The following WASL variants were observed in gnomAD, a reference collection of about 807,000 sequenced individuals.
WASL encodes the protein actin nucleation-promoting factor WASL.
In WASL, 20 loss-of-function variants were observed where a neutral mutation model predicts 55.5. The observed-to-expected ratio is 0.36, with a 90% CI of 0.25 to 0.52. The LOEUF is 0.52. WASL is among the 20% of genes least tolerant of loss of function. The pLI is 0.92. For synonymous variants in WASL, 249 were observed against 217.6 expected (o/e 1.14, Z -1.27); for missense variants, 504 against 622.5 (o/e 0.81, Z 2.03).
chr7:123,735,476 A>T (rs561755746), intron 1 of WASL, among the ~76,000 whole-genome samples: 3 of 152,168 alleles, frequency 2.0e-5, no homozygotes, highest in Admixed American at 1.3e-4. Context: ...AACAGTTGTT[A>T]TATCTGTAGT....
In WASL at chr7:123,725,508, TA is replaced by T. The variant is rs35358821; in HGVS notation, c.118-16286del. Among the ~76,000 whole-genome samples, 976 of 151,130 alleles carry T rather than the reference TA, an allele frequency of 6.5e-3. 9 individuals carry two copies. The highest frequency in any genetic ancestry group is 0.022 in the African/African-American group (893 of 41,194). On this transcript the variant is annotated intron_variant, in intron 1 of 10. Transcript: ENST00000223023. ...ATTTTAATTTACATTAGGTTATATT[TA>T]AAAAAAAACAATTTCTTGAAATATG...
At chr7:123,722,035 TGTTA>T (rs1165067350) in intron 1 of WASL, among the ~76,000 whole-genome samples, 1 of 152,116 alleles carries the variant, frequency 6.6e-6, no homozygotes, top group Non-Finnish European at 1.5e-5. Flanking sequence ...GGGAGGGTAC[TGTTA>T]GTTTCTGGAC....
intron 1 of WASL, among the ~76,000 whole-genome samples, chr7:123,744,388 T>C (rs1804395680): frequency 6.6e-6 from 1 of 152,212 alleles, no homozygotes; most frequent in Non-Finnish European, 1.5e-5. Flanking sequence ...CAATAAGTAT[T>C]CACTGATCTG....
At chr7:123,728,872 A>G (rs1325601574) in intron 1 of WASL, among the ~76,000 whole-genome samples, 1 of 152,152 alleles carries the variant, frequency 6.6e-6, no homozygotes, top group Non-Finnish European at 1.5e-5. Context: ...AAAAAACAAA[A>G]CAAAACAAAC....
At chr7:123,700,154 C>A (rs1369005826) in intron 5 of WASL, among the ~76,000 whole-genome samples, 12 of 102,454 alleles carry the variant, frequency 1.2e-4, no homozygotes, top group East Asian at 3.3e-4. Flanking sequence ...CCAGCCTGGG[C>A]AACAGAGCGA....
At chr7:123,741,632 A>G (rs1287956403) in intron 1 of WASL, among the ~76,000 whole-genome samples, 2 of 152,306 alleles carry the variant, frequency 1.3e-5, no homozygotes, top group East Asian at 1.9e-4. Flanking sequence ...AGAATGGGCT[A>G]CCATTATACT....
At position 123,706,520 on chromosome 7, in the gene WASL, A is replaced by ATGT. The variant is rs1803672760; in HGVS notation, c.340-148_340-147insACA. 3.4e-6 allele frequency: 3 copies of ATGT among 880,726 alleles called. No homozygotes were observed. In the South Asian group the frequency reaches 5.4e-5, roughly 16 times the overall value. 54.6% of individuals were successfully genotyped at this position (880,726 alleles called of 1,614,324 possible). A position where few individuals can be genotyped will look rare whatever the true frequency, so the allele number is the denominator to read the frequency against. ...AAGACATTATTTTATGATCTGAATA[A>ATGT]CTTAACACAAAAGCATGAAGAAGTT... On this transcript the variant is annotated intron_variant, in intron 3 of 10. Coordinates refer to ENST00000223023, the MANE Select transcript of WASL (RefSeq NM_003941.4).
chr7:123,747,979 G>T (rs1199690349), intron 1 of WASL, among the ~76,000 whole-genome samples: 1 of 151,410 alleles, frequency 6.6e-6, no homozygotes, highest in Non-Finnish European at 1.5e-5. Context: ...CCACCAATGG[G>T]GGGAAAAAAA....
rs1803434571 is a variant in WASL at position 123,692,749 on chromosome 7, T to A, written c.945A>T (p.Ser315=). 6.0e-6 allele frequency: 9 copies of A among 1,499,700 alleles called. No individual in the cohort carries two copies. Among genetic ancestry groups the A allele is most frequent in the Non-Finnish European group, 7.1e-6 (8 of 1,126,394 alleles). The allele number at this position is 1,499,700 out of a possible 1,614,324, so 92.9% of individuals were successfully genotyped here. A position where few individuals can be genotyped will look rare whatever the true frequency, so the allele number is the denominator to read the frequency against. ...GTGGAGGTGCAGCTGTGGGAGCTCT[T>A]GAAGGTGGTGGGGGAGGAGCGCCTC... The part of the protein sequence containing the change: ...RGRGAPPPPP[S]RAPTAAPPPP... The change falls in exon 9 of 11, where the codon TCA becomes TCT. Residue 315 remains serine, a synonymous_variant. Transcript: ENST00000223023.
Position 123,692,415 on chromosome 7 carries a change from G to A in WASL, c.1279C>T (p.Arg427Trp). 7 of 1,613,888 alleles carry A rather than the reference G, an allele frequency of 4.3e-6. No individual in the cohort carries two copies. The highest frequency in any genetic ancestry group is 2.2e-5 in the East Asian group (1 of 44,852). ...AQLKKVEQNS[R>W]PVSCSGRDAL... ...TCTCGTCCAGAGCAGGACACTGGCC[G>A]ACTGTTCTGCTCCACTTTTTTTAGC... The change falls in exon 9 of 11, where the codon CGG becomes TGG. Residue 427 changes from arginine to tryptophan, a missense_variant. This residue lies in a region of WASL where 201 missense variants were observed against 206.2 expected (regional missense o/e 0.97). Coordinates refer to ENST00000223023, the MANE Select transcript of WASL (RefSeq NM_003941.4).
intron 9 of WASL, among the ~76,000 whole-genome samples, chr7:123,691,389 ATTTT>A (rs901631777): frequency 5.9e-5 from 9 of 151,920 alleles, no homozygotes; most frequent in African/African-American, 1.9e-4. Flanking sequence ...CTGTTCTTGG[ATTTT>A]TTTTTAAAAC....
chr7:123,745,763 G>C (rs1804420514), intron 1 of WASL, among the ~76,000 whole-genome samples: 1 of 151,870 alleles, frequency 6.6e-6, no homozygotes, highest in African/African-American at 2.4e-5. Context: ...CTAAATCTGA[G>C]AGCCCAAGCA....
At chr7:123,697,040 T>C (rs1803504595) in intron 5 of WASL, among the ~76,000 whole-genome samples, 1 of 152,106 alleles carries the variant, frequency 6.6e-6, no homozygotes. Flanking sequence ...GTCTAATCTC[T>C]TAAATTTTGA....
chr7:123,685,581 C>G (rs548683579), intron 10 of WASL, among the ~76,000 whole-genome samples: 1 of 152,104 alleles, frequency 6.6e-6, no homozygotes, highest in South Asian at 2.1e-4. Flanking sequence ...ATTTTACTTT[C>G]CTCATATCAC....
At chr7:123,712,446 T>A (rs1472162390) in intron 1 of WASL, among the ~76,000 whole-genome samples, 2 of 152,124 alleles carry the variant, frequency 1.3e-5, no homozygotes, top group Non-Finnish European at 2.9e-5. Context: ...TAGCCTGAAA[T>A]ATTATAAAGA....
At chr7:123,743,232 G>A (rs950998828) in intron 1 of WASL, among the ~76,000 whole-genome samples, 3 of 151,854 alleles carry the variant, frequency 2.0e-5, no homozygotes, top group African/African-American at 7.3e-5. Context: ...AGCTACTTGG[G>A]AGGCTGAGGG....
At position 123,684,549 on chromosome 7, in the gene WASL, ATCT is replaced by A. The variant is rs750895037; in HGVS notation, c.1485_1487del (p.Glu495del). On this transcript the variant is annotated inframe_deletion, in exon 11 of 11. Transcript: ENST00000223023. ...CTTCCCACTCATCATCATCCTCAAA[ATCT>A]TCTTCATCATCTTCATCTTCATCTT... The A allele has an allele frequency of 1.1e-4, 151 of 1,354,022 alleles. No individual in the cohort carries two copies. Among genetic ancestry groups the A allele is most frequent in the Middle Eastern group, 3.6e-4 (2 of 5,532 alleles). 83.9% of individuals were successfully genotyped at this position (1,354,022 alleles called of 1,614,324 possible). A position where few individuals can be genotyped will look rare whatever the true frequency, so the allele number is the denominator to read the frequency against.
At chr7:123,694,624 G>T in intron 8 of WASL, 91 bp downstream of exon 8, 2 of 1,321,116 alleles carry the variant, frequency 1.5e-6, no homozygotes, top group East Asian at 2.4e-5. Context: ...GCTCAAGGAA[G>T]GGTTCACATG....
intron 8 of WASL, among the ~76,000 whole-genome samples, chr7:123,694,394 C>T (rs939945376): frequency 6.6e-6 from 1 of 152,106 alleles, no homozygotes; most frequent in South Asian, 2.1e-4. Flanking sequence ...ATTATTACTT[C>T]TGAATTACAA....
Sources: gnomAD v4.1 joint callset for allele counts (sites outside exome capture counted in the v4.1 genomes callset) on GRCh38, gnomAD v4.1.1 for gene constraint, gnomAD v4.1.1 regional missense constraint, MANE v1.5 for transcripts, NCBI Gene and HGNC (gene_info 2026-07-23, HGNC 2026-07-21) for gene names.